The following NKAIN2 variants were observed in gnomAD, a reference collection of about 807,000 sequenced individuals.
NKAIN2 encodes sodium/potassium-transporting ATPase subunit beta-1-interacting protein 2.
Under a neutral mutation model 32.6 loss-of-function variants are expected in NKAIN2, and 14 were observed. That is an observed-to-expected ratio of 0.43 (90% CI 0.28 to 0.67). NKAIN2 has a LOEUF of 0.67. Among genes scored for constraint, NKAIN2 ranks in the 30% least tolerant of loss-of-function variants. NKAIN2 has a pLI of 0.17. For missense variants in NKAIN2, 198 were observed against 258.3 expected (o/e 0.77, Z 1.60); for synonymous variants, 80 against 87.2 (o/e 0.92, Z 0.46).
intron 3 of NKAIN2, among the ~76,000 whole-genome samples, chr6:124,437,424 C>T (rs530552597): frequency 6.6e-6 from 1 of 152,210 alleles, no homozygotes; most frequent in African/African-American, 2.4e-5. Flanking sequence ...GATCACAAGC[C>T]GTTATGTTCT....
At chr6:124,119,821 C>T (rs898387028) in intron 1 of NKAIN2, among the ~76,000 whole-genome samples, 1 of 152,150 alleles carries the variant, frequency 6.6e-6, no homozygotes, top group Non-Finnish European at 1.5e-5. Context: ...TCAGACTGGG[C>T]TCTGCTACCA....
rs192095875 is a variant in NKAIN2 at position 124,073,083 on chromosome 6, A to G, written c.55-209922A>G. On this transcript the variant is annotated intron_variant, in intron 1 of 6. Transcript: ENST00000368417. ...ATGGAGGGAAGCAGGGTTGTGAAGA[A>G]GTAGAACAAAGATGAACTTTCTACA... 4.8e-3 allele frequency among the ~76,000 whole-genome samples: 730 copies of G among 152,336 alleles called. 7 individuals carry two copies. Among genetic ancestry groups the G allele is most frequent in the Non-Finnish European group, 5.4e-3 (370 of 68,040 alleles).
At chr6:123,941,016 G>GT (rs1231664487) in intron 1 of NKAIN2, among the ~76,000 whole-genome samples, 1 of 151,572 alleles carries the variant, frequency 6.6e-6, no homozygotes, top group Non-Finnish European at 1.5e-5. Flanking sequence ...ATTTATAAGC[G>GT]TTTTGCTATT....
At chr6:123,920,277 G>C (rs1325145249) in intron 1 of NKAIN2, among the ~76,000 whole-genome samples, 3 of 152,070 alleles carry the variant, frequency 2.0e-5, no homozygotes, top group Non-Finnish European at 1.5e-5. Context: ...CTAGAATGCT[G>C]GTAATGGAGT....
At chr6:123,904,167 G>T (rs1006760293) in intron 1 of NKAIN2, among the ~76,000 whole-genome samples, 1 of 151,878 alleles carries the variant, frequency 6.6e-6, no homozygotes, top group Non-Finnish European at 1.5e-5. Flanking sequence ...GGAGGCGGAG[G>T]TTGTGGTGAG....
At chr6:124,323,238 T>A (rs1009671822) in intron 2 of NKAIN2, among the ~76,000 whole-genome samples, 6 of 152,172 alleles carry the variant, frequency 3.9e-5, no homozygotes, top group African/African-American at 1.2e-4. Context: ...TTTCATACTT[T>A]TAGTAGGGAC....
chr6:123,852,960 G>T (rs1020537430), intron 1 of NKAIN2, among the ~76,000 whole-genome samples: 3 of 152,174 alleles, frequency 2.0e-5, no homozygotes, highest in Non-Finnish European at 4.4e-5. Context: ...GTTTCTAAAT[G>T]TTGTACCATG....
At chr6:124,810,681 T>C (rs1780858839) in intron 5 of NKAIN2, among the ~76,000 whole-genome samples, 1 of 151,868 alleles carries the variant, frequency 6.6e-6, no homozygotes, top group South Asian at 2.1e-4. Flanking sequence ...AAAGATTTGT[T>C]TCTGATACAA....
chr6:123,859,605 C>T (rs1216576918), intron 1 of NKAIN2, among the ~76,000 whole-genome samples: 1 of 152,186 alleles, frequency 6.6e-6, no homozygotes, highest in East Asian at 1.9e-4. Flanking sequence ...ATCCATTGGT[C>T]CTGTTATCTA....
chr6:124,362,094 A>G (rs1390559032), intron 3 of NKAIN2, among the ~76,000 whole-genome samples: 2 of 152,092 alleles, frequency 1.3e-5, no homozygotes, highest in African/African-American at 2.4e-5. Context: ...ACTATTAAAC[A>G]AAGACTACCT....
At chr6:123,991,650 C>G (rs1779416973) in intron 1 of NKAIN2, among the ~76,000 whole-genome samples, 1 of 152,032 alleles carries the variant, frequency 6.6e-6, no homozygotes, top group Admixed American at 6.6e-5. Context: ...ATAACAAGGT[C>G]AGGAGATGGA....
Position 124,202,799 on chromosome 6 carries a change from A to G in NKAIN2, c.55-80206A>G, listed in dbSNP as rs1790658897. 3.3e-5 allele frequency among the ~76,000 whole-genome samples: 5 copies of G among 151,862 alleles called. No homozygotes were observed. The South Asian group carries it at 1.0e-3, about 31-fold the overall frequency. On this transcript the variant is annotated intron_variant, in intron 1 of 6. Coordinates refer to ENST00000368417, the MANE Select transcript of NKAIN2 (RefSeq NM_001040214.3). ...ACAAGTAATAGCTCTTTTTTAATGA[A>G]TGAGAAAGACTTCCAGAAGCTTATG...
chr6:124,224,081 C>T (rs1188903852), intron 1 of NKAIN2, among the ~76,000 whole-genome samples: 3 of 152,112 alleles, frequency 2.0e-5, no homozygotes, highest in Non-Finnish European at 4.4e-5. Flanking sequence ...AAGATGACAA[C>T]TGATACTTCT....
chr6:123,974,707 T>C (rs1411022987), intron 1 of NKAIN2, among the ~76,000 whole-genome samples: 1 of 152,144 alleles, frequency 6.6e-6, no homozygotes, highest in African/African-American at 2.4e-5. Flanking sequence ...AGAGGGAAGA[T>C]TATGCAACTG....
intron 3 of NKAIN2, among the ~76,000 whole-genome samples, chr6:124,568,261 C>T (rs368979543): frequency 1.2e-3 from 186 of 152,246 alleles, no homozygotes; most frequent in African/African-American, 4.4e-3. Flanking sequence ...AATTCAATCT[C>T]CCATATCATT....
At chr6:124,351,793 T>C (rs1798747152) in intron 2 of NKAIN2, among the ~76,000 whole-genome samples, 1 of 151,984 alleles carries the variant, frequency 6.6e-6, no homozygotes, top group Admixed American at 6.6e-5. Context: ...TGGCTAATTT[T>C]GTATTTTTAG....
At chr6:123,886,348 T>C (rs1383740478) in intron 1 of NKAIN2, among the ~76,000 whole-genome samples, 1 of 152,108 alleles carries the variant, frequency 6.6e-6, no homozygotes, top group Non-Finnish European at 1.5e-5. Context: ...TGATGGCATA[T>C]TTTGCAGGCA....
chr6:123,939,488 T>C (rs1776717906), intron 1 of NKAIN2, among the ~76,000 whole-genome samples: 1 of 151,974 alleles, frequency 6.6e-6, no homozygotes, highest in African/African-American at 2.4e-5. Context: ...TTTCATTCAT[T>C]GTAAAATGTG....
chr6:123,854,149 T>G (rs1010846629), intron 1 of NKAIN2, among the ~76,000 whole-genome samples: 16 of 152,198 alleles, frequency 1.1e-4, no homozygotes, highest in African/African-American at 3.9e-4. Context: ...TGAGGGAAAT[T>G]TAATTTCAAA....
Sources: allele counts gnomAD v4.1 joint callset (sites outside exome capture counted in the v4.1 genomes callset), GRCh38; gene constraint gnomAD v4.1.1; transcripts MANE v1.5; gene names NCBI Gene and HGNC (gene_info 2026-07-23, HGNC 2026-07-21).